Variants in KLHL6 observed in about 807,000 individuals in gnomAD.
KLHL6 encodes the protein kelch-like protein 6.
Under a neutral mutation model 58.6 loss-of-function variants are expected in KLHL6, and 41 were observed. The observed-to-expected ratio is 0.70, with a 90% CI of 0.55 to 0.91. The LOEUF is 0.91. Ranked by LOEUF, KLHL6 falls within the 40% of genes least tolerant of loss-of-function variation. The pLI, the probability that KLHL6 is intolerant of heterozygous loss-of-function variation, is 0.00. For synonymous variants in KLHL6, 338 were observed against 322.7 expected, an observed-to-expected ratio of 1.05 and a Z score of -0.51; for missense variants, 714 against 805.6, an observed-to-expected ratio of 0.89 and a Z score of 1.38.
At chr3:183,496,725 A>G (rs1717722141) in intron 4 of KLHL6, among the ~76,000 whole-genome samples, 1 of 152,258 alleles carries the variant, frequency 6.6e-6, no homozygotes, top group African/African-American at 2.4e-5. Flanking sequence ...ACATGTCATC[A>G]TGTCCAGATG....
At chr3:183,505,843 A>G (rs1185098345) in intron 3 of KLHL6, among the ~76,000 whole-genome samples, 2 of 152,232 alleles carry the variant, frequency 1.3e-5, no homozygotes, top group Non-Finnish European at 2.9e-5. Flanking sequence ...TCTAGAAGAA[A>G]CAGAGATCCT....
chr3:183,498,976 C>T (rs922909115), intron 4 of KLHL6, among the ~76,000 whole-genome samples: 1 of 152,198 alleles, frequency 6.6e-6, no homozygotes, highest in African/African-American at 2.4e-5. Flanking sequence ...CTGAATAAAC[C>T]CTTACCACTT....
chr3:183,518,338 G>C (rs768450889), intron 2 of KLHL6, among the ~76,000 whole-genome samples: 1 of 152,008 alleles, frequency 6.6e-6, no homozygotes, highest in East Asian at 1.9e-4. Flanking sequence ...TAGCCTGCTC[G>C]CCCACAGAGA....
chr3:183,548,570 A>T (rs1305737779), intron 1 of KLHL6, among the ~76,000 whole-genome samples: 6 of 152,218 alleles, frequency 3.9e-5, no homozygotes, highest in Non-Finnish European at 7.3e-5. Flanking sequence ...TACAAAAATC[A>T]GGCATAAGGC....
At chr3:183,554,877 G>A (rs1577209052) in intron 1 of KLHL6, among the ~76,000 whole-genome samples, 1 of 152,304 alleles carries the variant, frequency 6.6e-6, no homozygotes, top group East Asian at 1.9e-4. Flanking sequence ...AATTTAAAGT[G>A]TGATAAGCCG....
At chr3:183,521,231 G>A (rs1577190494) in intron 2 of KLHL6, 1 of 152,776 alleles carries the variant, frequency 6.5e-6, no homozygotes, top group African/African-American at 2.4e-5. Flanking sequence ...TGGGGTTACA[G>A]ATTAACAGCA....
chr3:183,509,020 C>T (rs1718104600), intron 2 of KLHL6, among the ~76,000 whole-genome samples: 1 of 152,110 alleles, frequency 6.6e-6, no homozygotes. Context: ...GTCATGGGAA[C>T]ATGATCAGCA....
chr3:183,534,112 C>CTTTACTTTTAAAGTACTTTAAAAGTAA (rs1712268795), intron 1 of KLHL6, among the ~76,000 whole-genome samples: 3 of 125,438 alleles, frequency 2.4e-5, no homozygotes, highest in Non-Finnish European at 5.0e-5. Flanking sequence ...TTTAAAAGTA[C>CTTTACTTTTAAAGTACTTTAAAAGTAA]TTTACTTTTA....
chr3:183,506,487 A>G (rs1356856352), intron 3 of KLHL6, among the ~76,000 whole-genome samples: 1 of 152,214 alleles, frequency 6.6e-6, no homozygotes, highest in African/African-American at 2.4e-5. Context: ...AATCATTGCC[A>G]TGCAGCAGTT....
At chr3:183,552,742 A>C (rs935613140) in intron 1 of KLHL6, among the ~76,000 whole-genome samples, 10 of 149,238 alleles carry the variant, frequency 6.7e-5, no homozygotes, top group African/African-American at 2.5e-4. Flanking sequence ...AAAAAAAAAA[A>C]GAAAGCCTCT....
intron 1 of KLHL6, among the ~76,000 whole-genome samples, chr3:183,529,754 C>A (rs1712096630): frequency 6.6e-6 from 1 of 151,266 alleles, no homozygotes; most frequent in African/African-American, 2.4e-5. Flanking sequence ...CACTGCACTC[C>A]AGTTTGGGCA....
chr3:183,525,907 T>C (rs750449806), intron 2 of KLHL6, among the ~76,000 whole-genome samples: 3 of 152,194 alleles, frequency 2.0e-5, no homozygotes, highest in African/African-American at 7.2e-5. Flanking sequence ...GACTGCTATA[T>C]GCATGGAATA....
intron 1 of KLHL6, among the ~76,000 whole-genome samples, chr3:183,537,711 C>T (rs2108690968): frequency 6.6e-6 from 1 of 152,290 alleles, no homozygotes; most frequent in Non-Finnish European, 1.5e-5. Flanking sequence ...TCTCCATTCT[C>T]CACCAGGCTT....
Position 183,508,088 on chromosome 3 carries a change from C to T in KLHL6, c.880G>A (p.Ala294Thr). ...TTGCCAGAAAGGTGGTACATCCTGG[C>T]TTCCTGGAGCAGCGGGAAGACCTCT... ...CPEVFPLLQE[A>T]RMYHLSGNEI... The change falls in exon 3 of 7, where the codon GCC becomes ACC. Residue 294 changes from alanine (A) to threonine (T), a missense_variant. Transcript: ENST00000341319. 2 of 1,614,106 alleles carry T rather than the reference C, an allele frequency of 1.2e-6. No individual in the cohort carries two copies. The highest frequency in any genetic ancestry group is 8.5e-7 in the Non-Finnish European group (1 of 1,179,952).
At chr3:183,535,189 C>T (rs534072523) in intron 1 of KLHL6, among the ~76,000 whole-genome samples, 20 of 152,204 alleles carry the variant, frequency 1.3e-4, no homozygotes, top group Admixed American at 5.2e-4. Flanking sequence ...GTGATCTGCC[C>T]GCCTCAGCCT....
At chr3:183,495,563 T>C (rs1717691978) in intron 4 of KLHL6, among the ~76,000 whole-genome samples, 1 of 135,284 alleles carries the variant, frequency 7.4e-6, no homozygotes, top group Non-Finnish European at 1.6e-5. Flanking sequence ...TTAAAACCTA[T>C]GATTTTATTT....
rs188131424 is a variant in KLHL6, at chr3:183,492,793, C to T, written c.1351-86G>A. The T allele has an allele frequency of 6.3e-6, 8 of 1,267,096 alleles. No individual in the cohort carries two copies. Among genetic ancestry groups the T allele is most frequent in the East Asian group, 2.4e-5 (1 of 42,352 alleles). 78.5% of individuals were successfully genotyped at this position (1,267,096 alleles called of 1,614,324 possible). ...GCTCCCAGGATACAGGACAGAGCTC[C>T]GGGACACAGAACTGGGCATCTTTTG... On this transcript the variant is annotated intron_variant, in intron 5 of 6. Transcript: ENST00000341319. The surrounding 1 kb of genome is among the most constrained non-coding windows in gnomAD (Gnocchi z 5.9).
intron 1 of KLHL6, among the ~76,000 whole-genome samples, 181 bp from the exon 2 acceptor site, chr3:183,528,191 C>T (rs890549368): frequency 6.6e-6 from 1 of 152,096 alleles, no homozygotes. Flanking sequence ...CAGTACTTAC[C>T]GAGCTGAACT....
At chr3:183,551,182 T>G (rs570287151) in intron 1 of KLHL6, among the ~76,000 whole-genome samples, 32 of 150,554 alleles carry the variant, frequency 2.1e-4, no homozygotes, top group African/African-American at 7.3e-4. Flanking sequence ...TATTGGAGAA[T>G]GTGCTTATCA....
Sources: allele counts gnomAD v4.1 joint callset (sites outside exome capture counted in the v4.1 genomes callset), GRCh38; gene constraint gnomAD v4.1.1; non-coding constraint Gnocchi (gnomAD v3.1); transcripts MANE v1.5; gene names NCBI Gene and HGNC (gene_info 2026-07-23, HGNC 2026-07-21).